Variants in MYO5B observed in about 807,000 individuals in gnomAD.
MYO5B encodes myosin VB.
A neutral mutation model predicts 229.3 loss-of-function variants in MYO5B; 143 were observed. The observed-to-expected ratio is 0.62, with a 90% CI of 0.54 to 0.72. The LOEUF (loss-of-function observed/expected upper bound fraction) is 0.72. Among genes scored for constraint, MYO5B ranks in the 30% least tolerant of loss-of-function variants. The pLI, the probability that MYO5B is intolerant of heterozygous loss-of-function variation, is 0.00. For missense variants in MYO5B, 2,321 were observed against 2,331.0 expected (o/e 1.00, Z 0.09); for synonymous variants, 918 against 885.2 (o/e 1.04, Z -0.66).
chr18:50,148,263 G>C (rs1402305452), intron 1 of MYO5B, among the ~76,000 whole-genome samples: 2 of 149,686 alleles, frequency 1.3e-5, no homozygotes, highest in African/African-American at 4.9e-5. Flanking sequence ...GTACAAGGAG[G>C]AACTGGTACC....
intron 3 of MYO5B, among the ~76,000 whole-genome samples, chr18:50,039,201 C>G (rs193063821): frequency 3.3e-5 from 5 of 152,328 alleles, no homozygotes; most frequent in Admixed American, 2.6e-4. Flanking sequence ...CAACCAGATC[C>G]TCAATTTGCC....
At chr18:50,019,036 C>T (rs2026246420) in intron 4 of MYO5B, among the ~76,000 whole-genome samples, 1 of 152,154 alleles carries the variant, frequency 6.6e-6, no homozygotes, top group Non-Finnish European at 1.5e-5. Flanking sequence ...TAATGTGAAA[C>T]CATGTTACAC....
chr18:50,123,462 G>T (rs923712809), intron 1 of MYO5B, among the ~76,000 whole-genome samples: 1 of 152,138 alleles, frequency 6.6e-6, no homozygotes, highest in Non-Finnish European at 1.5e-5. Flanking sequence ...AGGTGAGGTG[G>T]CTCACACCTG....
At chr18:49,840,442 G>A (rs1888942761) in intron 35 of MYO5B, 1 of 152,228 alleles carries the variant, frequency 6.6e-6, no homozygotes. Flanking sequence ...CTGAAAGGAA[G>A]GGCATATCCT....
chr18:49,931,705 C>T (rs2025194571), intron 16 of MYO5B, among the ~76,000 whole-genome samples: 1 of 152,184 alleles, frequency 6.6e-6, no homozygotes, highest in South Asian at 2.1e-4. Context: ...CAGTCATAAG[C>T]AGCTGCTCGG....
At chr18:50,004,088 A>G (rs1598945627) in intron 4 of MYO5B, among the ~76,000 whole-genome samples, 2 of 152,304 alleles carry the variant, frequency 1.3e-5, no homozygotes, top group East Asian at 3.9e-4. Flanking sequence ...CCTGCATATC[A>G]CTGGGGAGTG....
chr18:49,899,763 G>T (rs117741374), intron 21 of MYO5B, among the ~76,000 whole-genome samples: 3 of 152,318 alleles, frequency 2.0e-5, no homozygotes, highest in Non-Finnish European at 4.4e-5. Flanking sequence ...AGCGTGCCTA[G>T]TCAGGTAGTG....
At chr18:49,851,277 T>C (rs1821173880) in intron 31 of MYO5B, among the ~76,000 whole-genome samples, 1 of 152,180 alleles carries the variant, frequency 6.6e-6, no homozygotes, top group South Asian at 2.1e-4. Context: ...GAGGTGATTG[T>C]AAGATCCATG....
intron 27 of MYO5B, among the ~76,000 whole-genome samples, chr18:49,870,505 G>A (rs1228402206): frequency 6.6e-6 from 1 of 152,094 alleles, no homozygotes; most frequent in South Asian, 2.1e-4. Flanking sequence ...CCACAGAATG[G>A]GAGAAACTAT....
At chr18:50,133,454 G>A (rs535200023) in intron 1 of MYO5B, among the ~76,000 whole-genome samples, 1 of 152,170 alleles carries the variant, frequency 6.6e-6, no homozygotes, top group Non-Finnish European at 1.5e-5. Context: ...CTCATATGGT[G>A]CAGACGTCAG....
rs139364605 is a variant in MYO5B at position 50,082,596 on chromosome 18, C to A, written c.28-27218G>T. 6.4e-4 allele frequency among the ~76,000 whole-genome samples: 97 copies of A among 152,290 alleles called. 1 individual carries two copies. Among genetic ancestry groups the A allele is most frequent in the African/African-American group, 2.3e-3 (96 of 41,560 alleles). Reference sequence around the variant, plus strand: ...TACTGTGAGACCCAATCCTTCCTACCTCAAGGGAATGTGCAGCCTAATACT... The same window carrying A: ...TACTGTGAGACCCAATCCTTCCTACATCAAGGGAATGTGCAGCCTAATACT... On this transcript the variant is annotated intron_variant, in intron 1 of 39. Coordinates refer to ENST00000285039, the MANE Select transcript of MYO5B (RefSeq NM_001080467.3).
At chr18:50,081,865 G>A (rs1185007885) in intron 1 of MYO5B, among the ~76,000 whole-genome samples, 3 of 152,108 alleles carry the variant, frequency 2.0e-5, no homozygotes, top group Admixed American at 6.5e-5. Flanking sequence ...AGGGTTTGAG[G>A]CTAGCCTGAT....
Position 49,906,510 on chromosome 18 carries a change from C to G in MYO5B, c.2323G>C (p.Val775Leu). The change falls in exon 19 of 40, where the codon GTC becomes CTC. Residue 775 changes from valine (V) to leucine (L), a missense_variant. By Grantham distance (32) the Val-to-Leu change is conservative. Transcript: ENST00000285039. Reference protein sequence around the residue: ...RTATIMIQKTVRGWLQKVKYH... With the variant: ...RTATIMIQKTLRGWLQKVKYH... Reference sequence around the variant, plus strand: ...TTCACCTTCTGCAGCCATCCCCGGACAGTTTTCTGGATCATGATGGTGGCT... The same window carrying G: ...TTCACCTTCTGCAGCCATCCCCGGAGAGTTTTCTGGATCATGATGGTGGCT... The G allele has an allele frequency of 6.2e-7, 1 of 1,614,170 alleles. No individual in the cohort carries two copies. Among genetic ancestry groups the G allele is most frequent in the Non-Finnish European group, 8.5e-7 (1 of 1,180,038 alleles).
chr18:49,974,723 C>T (rs1176945142), intron 9 of MYO5B, 108 bp from the exon 10 acceptor site: 4 of 1,294,588 alleles, frequency 3.1e-6, no homozygotes, highest in Non-Finnish European at 4.3e-6. Flanking sequence ...AAACTCAAGG[C>T]CTCCCAGCCC....
chr18:49,872,328 T>C, intron 26 of MYO5B, 96 bp from the exon 27 acceptor site: 2 of 1,217,220 alleles, frequency 1.6e-6, no homozygotes, highest in Non-Finnish European at 2.4e-6. Flanking sequence ...ATCCTGCCTG[T>C]GCGTGAATAC....
intron 1 of MYO5B, among the ~76,000 whole-genome samples, chr18:50,127,376 T>C (rs2032181645): frequency 1.3e-5 from 2 of 152,178 alleles, no homozygotes; most frequent in Non-Finnish European, 2.9e-5. Flanking sequence ...CTTTATCTAC[T>C]GGAAAACTGG....
intron 1 of MYO5B, among the ~76,000 whole-genome samples, chr18:50,084,726 A>G (rs1299008338): frequency 6.6e-6 from 1 of 152,236 alleles, no homozygotes; most frequent in African/African-American, 2.4e-5. Flanking sequence ...ACACAGATCA[A>G]TGGAACAGAA....
At position 49,880,355 on chromosome 18, in the gene MYO5B, G is replaced by C; in HGVS notation, c.3130+16C>G. The C allele has an allele frequency of 1.9e-6, 3 of 1,607,566 alleles. No homozygotes were observed. Among genetic ancestry groups the C allele is most frequent in the Non-Finnish European group, 2.6e-6 (3 of 1,174,014 alleles). On this transcript the variant is annotated intron_variant, in intron 23 of 39. Coordinates refer to ENST00000285039, the MANE Select transcript of MYO5B (RefSeq NM_001080467.3). The stretch of plus-strand genomic sequence containing the variant: ...GATTAAAACCCCAAATAAAACTCAA[G>C]TGCTTTGGTACTTACCTTTAGACTG...
chr18:50,102,733 T>TA (rs112311931), intron 1 of MYO5B, among the ~76,000 whole-genome samples: 21,965 of 147,286 alleles, frequency 0.15, 1,687 homozygotes, highest in East Asian at 0.25. Context: ...ACCAATGAAT[T>TA]AAAAAAAAAA....
Sources: gnomAD v4.1 joint callset for allele counts (sites outside exome capture counted in the v4.1 genomes callset) on GRCh38, gnomAD v4.1.1 for gene constraint, MANE v1.5 for transcripts, NCBI Gene and HGNC (gene_info 2026-07-23, HGNC 2026-07-21) for gene names.